The following CDC42BPA variants were observed in gnomAD, a reference collection of about 807,000 sequenced individuals.
CDC42BPA encodes CDC42 binding protein kinase alpha.
A neutral mutation model predicts 223.5 loss-of-function variants in CDC42BPA; 80 were observed. That is an observed-to-expected ratio of 0.36 (90% CI 0.30 to 0.43). The LOEUF (loss-of-function observed/expected upper bound fraction) is 0.43, where lower values mean the gene tolerates loss of function less well. CDC42BPA is among the 20% of genes least tolerant of loss of function. The pLI, the probability that CDC42BPA is intolerant of heterozygous loss-of-function variation, is 1.00. For missense variants in CDC42BPA, 1,743 were observed against 2,099.9 expected, an observed-to-expected ratio of 0.83 and a Z score of 3.32; for synonymous variants, 694 against 718.6, an observed-to-expected ratio of 0.97 and a Z score of 0.55.
chr1:227,181,275 C>T (rs1418171186), intron 5 of CDC42BPA, among the ~76,000 whole-genome samples: 1 of 151,990 alleles, frequency 6.6e-6, no homozygotes, highest in Non-Finnish European at 1.5e-5. Context: ...GAAAAAAACC[C>T]ACCATTTTGT....
At chr1:227,144,703 T>C (rs1490012119) in intron 8 of CDC42BPA, among the ~76,000 whole-genome samples, 1 of 151,574 alleles carries the variant, frequency 6.6e-6, no homozygotes, top group Non-Finnish European at 1.5e-5. Flanking sequence ...GAGGTCAATA[T>C]ACTATGTTGG....
At chr1:227,268,597 T>C (rs1055140498) in intron 1 of CDC42BPA, among the ~76,000 whole-genome samples, 3 of 120,068 alleles carry the variant, frequency 2.5e-5, no homozygotes, top group Non-Finnish European at 3.5e-5. Context: ...TGTGTATATA[T>C]AGTGTGTGTA....
intron 17 of CDC42BPA, among the ~76,000 whole-genome samples, chr1:227,080,520 C>T (rs1247703072): frequency 6.6e-6 from 1 of 151,990 alleles, no homozygotes; most frequent in African/African-American, 2.4e-5. Flanking sequence ...TTTTTGCAGG[C>T]CTTCCATTTC....
chr1:227,302,810 A>G (rs901351405), intron 1 of CDC42BPA, among the ~76,000 whole-genome samples: 1 of 149,064 alleles, frequency 6.7e-6, no homozygotes, highest in South Asian at 2.2e-4. Context: ...CCTCTTTTCT[A>G]TCTCTCTGTG....
chr1:227,168,497 G>GTTTTTTTTTTTTTTTTTGTTTTTTT (rs1292387936), intron 5 of CDC42BPA, among the ~76,000 whole-genome samples: 2 of 80,196 alleles, frequency 2.5e-5, no homozygotes, highest in African/African-American at 5.0e-5. Context: ...CTTCCCTGGT[G>GTTTTTTTTTTTTTTTTTGTTTTTTT]TTTTTTTTTT....
intron 1 of CDC42BPA, among the ~76,000 whole-genome samples, chr1:227,316,463 T>A: frequency 6.6e-6 from 1 of 152,230 alleles, no homozygotes; most frequent in East Asian, 1.9e-4. Flanking sequence ...CATTTAATCT[T>A]ACAAACATAA....
At chr1:227,185,762 T>TC (rs1553382669) in intron 5 of CDC42BPA, among the ~76,000 whole-genome samples, 8,250 of 151,670 alleles carry the variant, frequency 0.054, 253 homozygotes, top group Non-Finnish European at 0.073. Flanking sequence ...TCGTTTTTTT[T>TC]CTAATTCAAC....
chr1:227,154,349 A>C (rs540383156), intron 6 of CDC42BPA, among the ~76,000 whole-genome samples: 11 of 151,996 alleles, frequency 7.2e-5, no homozygotes, highest in Non-Finnish European at 1.2e-4. Flanking sequence ...GCACCTATTT[A>C]ACATTGTACT....
At chr1:227,271,416 C>T (rs1465699161) in intron 1 of CDC42BPA, among the ~76,000 whole-genome samples, 2 of 152,068 alleles carry the variant, frequency 1.3e-5, no homozygotes, top group African/African-American at 4.8e-5. Flanking sequence ...GCACATCATT[C>T]CTATCATGCT....
intron 24 of CDC42BPA, among the ~76,000 whole-genome samples, chr1:227,036,952 A>C (rs993837908): frequency 5.3e-5 from 8 of 152,186 alleles, no homozygotes; most frequent in Non-Finnish European, 1.0e-4. Flanking sequence ...GAGTCCCCAT[A>C]GCTTCATAAA....
chr1:227,266,347 C>T (rs994069175), intron 1 of CDC42BPA, among the ~76,000 whole-genome samples: 25 of 152,256 alleles, frequency 1.6e-4, no homozygotes, highest in African/African-American at 5.8e-4. Context: ...TATGATGATA[C>T]GCTCTTTTAG....
At chr1:227,151,196 C>T (rs1661685906) in intron 6 of CDC42BPA, among the ~76,000 whole-genome samples, 1 of 152,098 alleles carries the variant, frequency 6.6e-6, no homozygotes, top group South Asian at 2.1e-4. Flanking sequence ...CACCATTGTA[C>T]TTTGTTTCTT....
At chr1:227,158,378 A>G (rs957965090) in intron 6 of CDC42BPA, among the ~76,000 whole-genome samples, 1 of 151,890 alleles carries the variant, frequency 6.6e-6, no homozygotes, top group African/African-American at 2.4e-5. Context: ...TGTTTGGTTC[A>G]GTGATTTTTT....
At chr1:227,186,975 C>T (rs1668876566) in intron 5 of CDC42BPA, among the ~76,000 whole-genome samples, 1 of 152,170 alleles carries the variant, frequency 6.6e-6, no homozygotes, top group African/African-American at 2.4e-5. Flanking sequence ...TAGGAACTGC[C>T]TTTTCTTTTT....
chr1:227,084,934 A>C (rs987836177), intron 16 of CDC42BPA, among the ~76,000 whole-genome samples: 14 of 152,290 alleles, frequency 9.2e-5, no homozygotes, highest in South Asian at 4.1e-4. Flanking sequence ...TGAACAGAAC[A>C]AAAAGGCTGA....
intron 3 of CDC42BPA, among the ~76,000 whole-genome samples, chr1:227,200,886 T>G (rs553100384): frequency 6.6e-6 from 1 of 152,222 alleles, no homozygotes; most frequent in Non-Finnish European, 1.5e-5. Context: ...GTTGCCAACA[T>G]GACGGGTGTG....
At chr1:227,174,644 A>G (rs1408473033) in intron 5 of CDC42BPA, among the ~76,000 whole-genome samples, 1 of 152,238 alleles carries the variant, frequency 6.6e-6, no homozygotes. Flanking sequence ...GAGGTTAATA[A>G]AAGCTGTAAT....
At chr1:227,304,636 A>G (rs144815783) in intron 1 of CDC42BPA, among the ~76,000 whole-genome samples, 29 of 152,372 alleles carry the variant, frequency 1.9e-4, no homozygotes, top group African/African-American at 6.7e-4. Context: ...TAATTCATTC[A>G]ACCTACATTA....
chr1:227,029,378 G>T, intron 29 of CDC42BPA, 128 bp from the exon 30 acceptor site: 1 of 635,764 alleles, frequency 1.6e-6, no homozygotes, highest in Non-Finnish European at 2.6e-6. Context: ...GAAGTCACAG[G>T]AAAAAAAGAT....
Sources: gnomAD v4.1 joint callset for allele counts (sites outside exome capture counted in the v4.1 genomes callset) on GRCh38, gnomAD v4.1.1 for gene constraint, MANE v1.5 for transcripts, NCBI Gene and HGNC (gene_info 2026-07-23, HGNC 2026-07-21) for gene names.